Variants in TRAP1 observed in about 807,000 individuals in gnomAD.
TRAP1 encodes heat shock protein 75 kDa, mitochondrial.
A neutral mutation model predicts 89.1 loss-of-function variants in TRAP1; 102 were observed. The ratio of observed to expected loss-of-function variants is 1.15; its 90% CI spans 0.98 to 1.35. The LOEUF is 1.35. TRAP1 is among the 40% of genes most tolerant of loss of function. The pLI, the probability that TRAP1 is intolerant of heterozygous loss-of-function variation, is 0.00. For synonymous variants in TRAP1, 508 were observed against 388.0 expected, an observed-to-expected ratio of 1.31 and a Z score of -3.64; for missense variants, 1,256 against 945.3, an observed-to-expected ratio of 1.33 and a Z score of -4.31.
chr16:3,670,247 T>A (rs1053358945), intron 11 of TRAP1, among the ~76,000 whole-genome samples: 43 of 151,040 alleles, frequency 2.8e-4, no homozygotes, highest in African/African-American at 1.0e-3. Flanking sequence ...CCGGGCATGG[T>A]GGCAGGCACC....
chr16:3,704,006 C>A (rs558641007), intron 1 of TRAP1, among the ~76,000 whole-genome samples: 1 of 88,252 alleles, frequency 1.1e-5, no homozygotes, highest in East Asian at 3.2e-4. Context: ...CAGAGCGAGA[C>A]CCCGTCTCAA....
intron 9 of TRAP1, among the ~76,000 whole-genome samples, chr16:3,673,860 G>A (rs149595227): frequency 1.6e-4 from 13 of 83,632 alleles, no homozygotes; most frequent in Middle Eastern, 5.1e-3. Flanking sequence ...CACACAGAGA[G>A]GCCAACGGAG....
intron 1 of TRAP1, among the ~76,000 whole-genome samples, chr16:3,707,624 T>C (rs552477628): frequency 6.1e-5 from 9 of 148,702 alleles, no homozygotes; most frequent in Admixed American, 6.0e-4. Flanking sequence ...GAGGCTGAGG[T>C]GGGTGGATCG....
rs907885721 is a variant in TRAP1, at chr16:3,676,323, C to T, written c.705-178G>A. 7.4e-5 allele frequency: 28 copies of T among 377,470 alleles called. No homozygotes were observed. The East Asian group carries it at 9.0e-4, about 12-fold the overall frequency. The allele number at this position is 377,470 out of a possible 1,614,324, so 23.4% of individuals were successfully genotyped here. On this transcript the variant is annotated intron_variant, in intron 6 of 17. Transcript: ENST00000246957. Reference sequence around the variant, plus strand: ...CAGGCCATCACATGCCCATCAGGAACGATGAGCCTGTCGCAGGCGGCAGAG... The same window carrying T: ...CAGGCCATCACATGCCCATCAGGAATGATGAGCCTGTCGCAGGCGGCAGAG...
chr16:3,700,174 C>CT lies in TRAP1; in HGVS notation c.89-9190dup, dbSNP rs917683044. 4.6e-3 allele frequency among the ~76,000 whole-genome samples: 689 copies of CT among 149,046 alleles called. 5 individuals carry two copies. Among genetic ancestry groups the CT allele is most frequent in the African/African-American group, 0.016 (656 of 40,652 alleles). On this transcript the variant is annotated intron_variant, in intron 1 of 17. Coordinates refer to ENST00000246957, the MANE Select transcript of TRAP1 (RefSeq NM_016292.3). ...TATCACAAAAGCTACTCTTTACAAA[C>CT]TTTTTTTTTTGAGATGGAGTTTCCC...
rs547819272 is a variant in TRAP1 at position 3,663,027 on chromosome 16, G to T, written c.1709-60C>A. ...GCATCCCAACTCCCCGGCTTCCATG[G>T]GGGCCACGCAGCATGCTTCCAGCTC... is the stretch of plus-strand genomic sequence containing the variant. On this transcript the variant is annotated intron_variant, in intron 14 of 17. Transcript: ENST00000246957. 12 of 1,385,692 alleles carry T rather than the reference G, an allele frequency of 8.7e-6. No homozygotes were observed. In the African/African-American group the frequency reaches 1.0e-4, roughly 12 times the overall value. The allele number at this position is 1,385,692 out of a possible 1,614,324, so 85.8% of individuals were successfully genotyped here. A position where few individuals can be genotyped will look rare whatever the true frequency, so the allele number is the denominator to read the frequency against.
chr16:3,664,233 G>C (rs779147132), intron 13 of TRAP1, 41 bp downstream of exon 13: 178 of 1,499,958 alleles, frequency 1.2e-4, no homozygotes, highest in Non-Finnish European at 1.5e-4. Context: ...CCCTCCCCAG[G>C]TTGCAGCCCC....
chr16:3,690,851 T>C lies in TRAP1; in HGVS notation c.223A>G (p.Ile75Val). The C allele has an allele frequency of 1.9e-6, 3 of 1,551,262 alleles. No homozygotes were observed. The highest frequency in any genetic ancestry group is 2.5e-5 in the East Asian group (1 of 40,076). ...CCCTGCACGCTCTCTGTGCTGCTGA[T>C]AATCGAGTGCAGGGGTTCCTCCTTG... ...EDKEEPLHSIISSTESVQGST... is the reference protein window; with the variant it reads ...EDKEEPLHSIVSSTESVQGST... Residue 75 changes from isoleucine (I) to valine (V), a missense_variant, in exon 2 of 18, where the codon ATC becomes GTC. Ile to Val is a conservative substitution (Grantham distance 29). Coordinates refer to ENST00000246957, the MANE Select transcript of TRAP1 (RefSeq NM_016292.3).
In TRAP1 at chr16:3,662,073, G is replaced by C. The variant is rs1053655086; in HGVS notation, c.1854C>G (p.Ala618=). 4 of 1,613,218 alleles carry C rather than the reference G, an allele frequency of 2.5e-6. No homozygotes were observed. Among genetic ancestry groups the C allele is most frequent in the African/African-American group, 2.7e-5 (2 of 74,944 alleles). Residue 618 remains alanine (A), a synonymous_variant, in exon 16 of 18, where the codon GCC becomes GCG. Transcript: ENST00000246957. ...GCTGCTGCATGCGCAGGAAGTGGCGGGCAGCCCCCATCTCCAGCACGGTGA... is the reference window on the plus strand; with the variant it reads ...GCTGCTGCATGCGCAGGAAGTGGCGCGCAGCCCCCATCTCCAGCACGGTGA... ...AMVTVLEMGA[A]RHFLRMQQLA... is the part of the protein sequence containing the mutation.
chr16:3,669,446 G>C (rs966584642), intron 11 of TRAP1, among the ~76,000 whole-genome samples: 4 of 152,120 alleles, frequency 2.6e-5, no homozygotes, highest in Non-Finnish European at 4.4e-5. Context: ...CATCTCTTTA[G>C]TCAGCAAGGA....
intron 2 of TRAP1, 151 bp downstream of exon 2, chr16:3,690,676 G>GGA (rs972310387): frequency 1.2e-6 from 1 of 844,540 alleles, no homozygotes; most frequent in Non-Finnish European, 1.6e-6. Context: ...GGACAGAAAT[G>GGA]GAGGGCGCAG....
chr16:3,707,421 G>C (rs1007270991), intron 1 of TRAP1, among the ~76,000 whole-genome samples: 2 of 150,724 alleles, frequency 1.3e-5, no homozygotes, highest in African/African-American at 4.9e-5. Flanking sequence ...TCCTGAACTC[G>C]TGATCCACCT....
Position 3,662,982 on chromosome 16 carries a change from G to A in TRAP1, c.1709-15C>T. Reference sequence around the variant, plus strand: ...GCACTCGGCGGCTGCGGAAGAGCAGGCGACAGGGAGCTCAGGCCTGCATCC... The same window carrying A: ...GCACTCGGCGGCTGCGGAAGAGCAGACGACAGGGAGCTCAGGCCTGCATCC... On this transcript the variant is annotated splice_polypyrimidine_tract_variant and intron_variant, in intron 14 of 17. Transcript: ENST00000246957. 1 of 1,586,262 alleles carries A rather than the reference G, an allele frequency of 6.3e-7. No homozygotes were observed. Among genetic ancestry groups the A allele is most frequent in the Non-Finnish European group, 8.5e-7 (1 of 1,170,756 alleles).
intron 5 of TRAP1, 139 bp downstream of exon 5, chr16:3,679,580 G>A (rs2051047050): frequency 3.6e-6 from 3 of 831,018 alleles, no homozygotes; most frequent in Non-Finnish European, 5.9e-6. Context: ...GTCATGTCAT[G>A]AGGTGTTCCC....
intron 11 of TRAP1, among the ~76,000 whole-genome samples, chr16:3,666,483 G>T (rs1187627361): frequency 6.6e-6 from 1 of 151,900 alleles, no homozygotes; most frequent in Non-Finnish European, 1.5e-5. Context: ...TTTTCACTGT[G>T]GCACATAAAA....
chr16:3,711,371 C>T (rs1273911925), intron 1 of TRAP1, among the ~76,000 whole-genome samples: 1 of 152,086 alleles, frequency 6.6e-6, no homozygotes, highest in African/African-American at 2.4e-5. Context: ...GAGGCCGAGG[C>T]AGGCAGATCA....
intron 1 of TRAP1, among the ~76,000 whole-genome samples, chr16:3,701,139 G>C (rs1177247604): frequency 6.6e-6 from 1 of 152,142 alleles, no homozygotes; most frequent in East Asian, 1.9e-4. Context: ...GTTTAAGAAA[G>C]CTGGAGTGGC....
At chr16:3,667,433 G>C (rs987291974) in intron 11 of TRAP1, among the ~76,000 whole-genome samples, 2 of 151,856 alleles carry the variant, frequency 1.3e-5, no homozygotes, top group African/African-American at 2.4e-5. Context: ...AGACCAGCCT[G>C]GTCAACATGG....
chr16:3,701,655 T>C (rs1473251813), intron 1 of TRAP1, among the ~76,000 whole-genome samples: 2 of 151,364 alleles, frequency 1.3e-5, no homozygotes, highest in South Asian at 4.2e-4. Context: ...AGCACCAAAC[T>C]ATATATGAAC....
Sources: allele counts gnomAD v4.1 joint callset (sites outside exome capture counted in the v4.1 genomes callset), GRCh38; gene constraint gnomAD v4.1.1; transcripts MANE v1.5; gene names NCBI Gene and HGNC (gene_info 2026-07-23, HGNC 2026-07-21).